ZFYVE28: variants seen among roughly 807,000 people sequenced by gnomAD.
ZFYVE28 encodes zinc finger FYVE-type containing 28, also known as lateral signaling target protein 2 homolog.
A neutral mutation model predicts 82.1 loss-of-function variants in ZFYVE28; 40 were observed. The ratio of observed to expected loss-of-function variants is 0.49; its 90% confidence interval spans 0.38 to 0.63. ZFYVE28 has a LOEUF of 0.63. Among genes scored for constraint, ZFYVE28 ranks in the 30% least tolerant of loss-of-function variants. The pLI, the probability that ZFYVE28 is intolerant of heterozygous loss-of-function variation, is 0.00. For synonymous variants in ZFYVE28, 612 were observed against 546.1 expected (o/e 1.12, Z -1.68); for missense variants, 1,321 against 1,242.1 (o/e 1.06, Z -0.96).
At chr4:2,313,179 G>T in intron 7 of ZFYVE28, among the ~76,000 whole-genome samples, 1 of 145,976 alleles carries the variant, frequency 6.9e-6, no homozygotes, top group African/African-American at 2.6e-5. Flanking sequence ...AATACTTTCT[G>T]TCTTTGAGGT....
chr4:2,398,075 G>A (rs891049255), intron 1 of ZFYVE28, among the ~76,000 whole-genome samples: 2 of 152,144 alleles, frequency 1.3e-5, no homozygotes, highest in African/African-American at 4.8e-5. Context: ...AGACAATAAG[G>A]AGGCAGCTGT....
In ZFYVE28 at chr4:2,355,248, AT is replaced by A. The variant is rs1725111443; in HGVS notation, c.40-1176del. Reference sequence around the variant, plus strand: ...TATATATATATATATATATATATATATATATATATATATATATATATATAAT... The same window carrying A: ...TATATATATATATATATATATATATAATATATATATATATATATATATAAT... On this transcript the variant is annotated intron_variant, in intron 1 of 12. Transcript: ENST00000290974. Among the ~76,000 whole-genome samples the A allele has an allele frequency of 2.3e-3, 49 of 21,770 alleles. 6 individuals carry two copies. Among genetic ancestry groups the A allele is most frequent in the Middle Eastern group, 0.01 (1 of 96 alleles). 14.3% of individuals were successfully genotyped at this position (21,770 alleles called of 152,430 possible). A position where few individuals can be genotyped will look rare whatever the true frequency, so the allele number is the denominator to read the frequency against.
At chr4:2,288,930 C>T (rs2108809274) in intron 8 of ZFYVE28, among the ~76,000 whole-genome samples, 1 of 152,294 alleles carries the variant, frequency 6.6e-6, no homozygotes, top group African/African-American at 2.4e-5. Context: ...TGCACCACTG[C>T]ACTCCAGCCT....
chr4:2,322,604 AAAT>A (rs1719259726), intron 6 of ZFYVE28, among the ~76,000 whole-genome samples: 1 of 152,050 alleles, frequency 6.6e-6, no homozygotes. Flanking sequence ...TTCTTTTTTC[AAAT>A]AAATTCATAT....
intron 1 of ZFYVE28, among the ~76,000 whole-genome samples, chr4:2,361,754 G>C (rs1048667935): frequency 6.6e-6 from 1 of 152,174 alleles, no homozygotes; most frequent in Non-Finnish European, 1.5e-5. Context: ...TGTGCGGTAA[G>C]GGGGTAAGGG....
intron 8 of ZFYVE28, among the ~76,000 whole-genome samples, chr4:2,290,149 C>G (rs529713652): frequency 6.6e-6 from 1 of 152,186 alleles, no homozygotes; most frequent in Non-Finnish European, 1.5e-5. Context: ...AGGGGACTCA[C>G]GTGCAAGATC....
intron 8 of ZFYVE28, among the ~76,000 whole-genome samples, chr4:2,275,632 C>T (rs191404047): frequency 2.6e-5 from 4 of 152,322 alleles, no homozygotes; most frequent in East Asian, 1.9e-4. Context: ...CGGGGATCCT[C>T]GTCGACCTGT....
chr4:2,272,791 G>A (rs994840611), intron 10 of ZFYVE28, among the ~76,000 whole-genome samples: 5 of 152,238 alleles, frequency 3.3e-5, no homozygotes, highest in Non-Finnish European at 7.3e-5. Flanking sequence ...TAAGAGGGAG[G>A]GTTTGGGTTC....
At chr4:2,302,020 C>A (rs967509565) in intron 8 of ZFYVE28, among the ~76,000 whole-genome samples, 1 of 152,206 alleles carries the variant, frequency 6.6e-6, no homozygotes, top group Non-Finnish European at 1.5e-5. Flanking sequence ...GAGGCCCTGC[C>A]CCGCAGTGAA....
chr4:2,348,546 T>A (rs1723907857), intron 2 of ZFYVE28, among the ~76,000 whole-genome samples: 1 of 152,184 alleles, frequency 6.6e-6, no homozygotes, highest in South Asian at 2.1e-4. Context: ...GGAAACTGAA[T>A]TCAATAATGC....
rs1469697731 is a variant in ZFYVE28 at position 2,335,295 on chromosome 4, C to T, written c.701+410G>A. ...AAGCCAATCACAGCCTCCTGAGGGA[C>T]CCGGGGGGCAGCTCGTCCTCTTGTT... On this transcript the variant is annotated intron_variant, in intron 6 of 12. Coordinates refer to ENST00000290974, the MANE Select transcript of ZFYVE28 (RefSeq NM_020972.3). The surrounding 1 kb of genome is among the most constrained non-coding windows in gnomAD (Gnocchi z 5.8). Among the ~76,000 whole-genome samples the T allele has an allele frequency of 6.6e-6, 1 of 152,140 alleles. No homozygotes were observed. The highest frequency in any genetic ancestry group is 1.5e-5 in the Non-Finnish European group (1 of 68,014).
At chr4:2,377,254 C>T (rs1728256202) in intron 1 of ZFYVE28, among the ~76,000 whole-genome samples, 2 of 152,126 alleles carry the variant, frequency 1.3e-5, no homozygotes, top group Admixed American at 6.5e-5. Flanking sequence ...ATCTCCTGAC[C>T]TTGTGATCCG....
chr4:2,412,484 G>A (rs1260548085), intron 1 of ZFYVE28, among the ~76,000 whole-genome samples: 5 of 152,142 alleles, frequency 3.3e-5, no homozygotes, highest in Admixed American at 1.3e-4. Context: ...GGAAACTGAG[G>A]CACAGGTGTG....
At chr4:2,381,381 G>A (rs566955307) in intron 1 of ZFYVE28, among the ~76,000 whole-genome samples, 8 of 152,230 alleles carry the variant, frequency 5.3e-5, no homozygotes, top group African/African-American at 9.6e-5. Flanking sequence ...ATAAAAATTC[G>A]GAAAATTTGC....
At chr4:2,347,246 A>G (rs749131536) in intron 2 of ZFYVE28, among the ~76,000 whole-genome samples, 1 of 152,252 alleles carries the variant, frequency 6.6e-6, no homozygotes, top group South Asian at 2.1e-4. Context: ...AATTGTTAAC[A>G]TTTATCAACC....
intron 6 of ZFYVE28, among the ~76,000 whole-genome samples, chr4:2,326,092 T>A (rs191447018): frequency 7.2e-5 from 11 of 152,374 alleles, no homozygotes; most frequent in African/African-American, 2.6e-4. Flanking sequence ...TTTGCTTCTC[T>A]TACCTGCACT....
rs1022495393 is a variant in ZFYVE28, at chr4:2,300,461, A to G, written c.2051+3828T>C. 1.3e-5 allele frequency among the ~76,000 whole-genome samples: 2 copies of G among 152,194 alleles called. No homozygotes were observed. The highest frequency in any genetic ancestry group is 4.8e-5 in the African/African-American group (2 of 41,450). On this transcript the variant is annotated intron_variant, in intron 8 of 12. Transcript: ENST00000290974. The surrounding 1 kb of genome is among the most constrained non-coding windows in gnomAD (Gnocchi z 4.6). ...AGGTTCCAGAACATTCACATCTGCA[A>G]GGCTGATTCACTGCTGTCTGTCGAG...
chr4:2,308,057 C>T (rs1346065655), intron 7 of ZFYVE28, among the ~76,000 whole-genome samples: 2 of 152,150 alleles, frequency 1.3e-5, no homozygotes, highest in African/African-American at 4.8e-5. Context: ...TCAAGTCCAT[C>T]CTTGTACCAT....
At chr4:2,326,255 G>C (rs1719840134) in intron 6 of ZFYVE28, among the ~76,000 whole-genome samples, 1 of 152,152 alleles carries the variant, frequency 6.6e-6, no homozygotes, top group African/African-American at 2.4e-5. Flanking sequence ...TAAGGTTCTA[G>C]CTTCATTCTT....
Sources: gnomAD v4.1 joint callset for allele counts (sites outside exome capture counted in the v4.1 genomes callset) on GRCh38, gnomAD v4.1.1 for gene constraint, Gnocchi (gnomAD v3.1) non-coding constraint, MANE v1.5 for transcripts, NCBI Gene and HGNC (gene_info 2026-07-23, HGNC 2026-07-21) for gene names.